CRACD: variants seen among roughly 807,000 people sequenced by gnomAD.
CRACD encodes the protein capping protein inhibiting regulator of actin dynamics.
CRACD carries 56 observed loss-of-function variants against 106.8 expected under a neutral mutation model. The observed-to-expected ratio is 0.52, with a 90% CI of 0.42 to 0.66. CRACD has a LOEUF of 0.66. Ranked by LOEUF, CRACD falls within the 30% of genes least tolerant of loss-of-function variation. CRACD has a pLI of 0.00. For missense variants in CRACD, 1,730 were observed against 1,623.2 expected (o/e 1.07, Z -1.13); for synonymous variants, 754 against 670.8 (o/e 1.12, Z -1.92).
intron 1 of CRACD, among the ~76,000 whole-genome samples, chr4:56,072,408 T>G (rs538947446): frequency 6.6e-6 from 1 of 152,314 alleles, no homozygotes; most frequent in African/African-American, 2.4e-5. Flanking sequence ...TGAACAAGAA[T>G]AGAGACAAAA....
At chr4:56,218,106 T>C (rs1011932343) in intron 2 of CRACD, among the ~76,000 whole-genome samples, 5 of 152,094 alleles carry the variant, frequency 3.3e-5, no homozygotes, top group African/African-American at 1.2e-4. Flanking sequence ...CCTTATTGGA[T>C]TAGGGCCACC....
chr4:56,214,652 A>ACTCTCTCTCTCTCTCTCTCTCTCTTTCT (rs1738573192), intron 2 of CRACD, among the ~76,000 whole-genome samples: 1 of 101,848 alleles, frequency 9.8e-6, no homozygotes, highest in South Asian at 4.0e-4. Flanking sequence ...AGAGCTAGAC[A>ACTCTCTCTCTCTCTCTCTCTCTCTTTCT]CTCTCTCTCT....
intron 1 of CRACD, among the ~76,000 whole-genome samples, chr4:56,144,413 A>G (rs561367131): frequency 5.8e-4 from 89 of 152,310 alleles, no homozygotes; most frequent in South Asian, 1.0e-3. Flanking sequence ...CTAGGAGACT[A>G]GTTTGTGGAA....
chr4:56,266,266 G>A (rs11736988), intron 2 of CRACD, among the ~76,000 whole-genome samples: 39,811 of 152,010 alleles, frequency 0.26, 5,374 homozygotes, highest in African/African-American at 0.27. Flanking sequence ...TATAAATTCA[G>A]TCTTACAGCT....
chr4:56,215,571 T>C (rs1223417104), intron 2 of CRACD, among the ~76,000 whole-genome samples: 4 of 152,258 alleles, frequency 2.6e-5, no homozygotes. Flanking sequence ...TCAACTGGAC[T>C]ATGAGCTCTT....
chr4:56,083,434 G>A lies in CRACD; in HGVS notation c.-336+34135G>A, dbSNP rs568617911. Among the ~76,000 whole-genome samples the A allele has an allele frequency of 2.6e-5, 4 of 152,256 alleles. No individual in the cohort carries two copies. The South Asian group carries it at 8.3e-4, about 32-fold the overall frequency. ...GTGAGAAATTAACCGTCAATTAACT[G>A]GTTAGACTGAACTTTGAGAATAAAC... is the stretch of plus-strand genomic sequence containing the variant. On this transcript the variant is annotated intron_variant, in intron 1 of 10. Coordinates refer to ENST00000682029, the MANE Select transcript of CRACD (RefSeq NM_001393381.1).
chr4:56,311,766 GAAAC>G (rs1220730341), intron 6 of CRACD: 2 of 152,200 alleles, frequency 1.3e-5, no homozygotes, highest in African/African-American at 2.4e-5. Flanking sequence ...GCCTACAGCA[GAAAC>G]AAACAAATAA....
intron 2 of CRACD, among the ~76,000 whole-genome samples, chr4:56,227,811 C>T (rs544957055): frequency 6.6e-6 from 1 of 152,322 alleles, no homozygotes; most frequent in Admixed American, 6.5e-5. Flanking sequence ...TTATATCTGG[C>T]AATACACACT....
chr4:56,308,093 G>A (rs534361805), intron 5 of CRACD, among the ~76,000 whole-genome samples: 1 of 152,216 alleles, frequency 6.6e-6, no homozygotes, highest in East Asian at 1.9e-4. Flanking sequence ...TCTAAACATG[G>A]GATTCCTTGA....
At chr4:56,076,799 C>A (rs1017345664) in intron 1 of CRACD, among the ~76,000 whole-genome samples, 1 of 152,192 alleles carries the variant, frequency 6.6e-6, no homozygotes, top group African/African-American at 2.4e-5. Context: ...AGACTGGAAG[C>A]TTTGTGAGGG....
chr4:56,233,985 TTGTCTC>T (rs928450792), intron 2 of CRACD, among the ~76,000 whole-genome samples: 1 of 152,192 alleles, frequency 6.6e-6, no homozygotes, highest in Admixed American at 6.5e-5. Context: ...TTTCAGTTGT[TTGTCTC>T]TGTTACATAG....
At position 56,116,175 on chromosome 4, in the gene CRACD, TCCAGGTTTGTG is replaced by T. The variant is rs138931816; in HGVS notation, c.-335-63108_-335-63098del. ...CATGTGGATATGTCTATTTATTTAA[TCCAGGTTTGTG>T]AGTGACATGACTCCTGCTCTGACTC... On this transcript the variant is annotated intron_variant, in intron 1 of 10. Transcript: ENST00000682029. 4.4e-3 allele frequency among the ~76,000 whole-genome samples: 675 copies of T among 152,314 alleles called. 3 individuals carry two copies. Among genetic ancestry groups the T allele is most frequent in the African/African-American group, 0.015 (631 of 41,576 alleles).
At chr4:56,291,197 A>G (rs957437646) in intron 3 of CRACD, among the ~76,000 whole-genome samples, 1 of 152,198 alleles carries the variant, frequency 6.6e-6, no homozygotes, top group African/African-American at 2.4e-5. Context: ...AAGTTGCAGC[A>G]TTGAAGCTGA....
intron 1 of CRACD, among the ~76,000 whole-genome samples, chr4:56,133,294 T>C (rs1237515888): frequency 6.6e-6 from 1 of 152,204 alleles, no homozygotes; most frequent in East Asian, 1.9e-4. Flanking sequence ...CAACGGGCAA[T>C]GTGTAGTGTG....
intron 1 of CRACD, among the ~76,000 whole-genome samples, chr4:56,085,885 T>C (rs371813701): frequency 1.3e-5 from 2 of 152,338 alleles, no homozygotes; most frequent in African/African-American, 4.8e-5. Context: ...TATTTATCTT[T>C]TTCCCTTAGA....
At chr4:56,189,797 A>C (rs1213761731) in intron 2 of CRACD, among the ~76,000 whole-genome samples, 2 of 143,890 alleles carry the variant, frequency 1.4e-5, no homozygotes, top group South Asian at 4.5e-4. Flanking sequence ...TTCTTTTTTT[A>C]AATTTTATTT....
At chr4:56,235,074 G>A (rs549458369) in intron 2 of CRACD, among the ~76,000 whole-genome samples, 5 of 152,218 alleles carry the variant, frequency 3.3e-5, no homozygotes, top group East Asian at 1.9e-4. Context: ...AGACTTTAAC[G>A]TGTCTACAAA....
At chr4:56,318,214 C>G (rs1745809941) in intron 8 of CRACD, among the ~76,000 whole-genome samples, 1 of 152,044 alleles carries the variant, frequency 6.6e-6, no homozygotes. Context: ...CCAGGCTGGT[C>G]TTGAACTCCT....
At chr4:56,156,341 G>GC (rs1467139521) in intron 1 of CRACD, among the ~76,000 whole-genome samples, 1 of 152,184 alleles carries the variant, frequency 6.6e-6, no homozygotes, top group Non-Finnish European at 1.5e-5. Context: ...GCTTTGCTGG[G>GC]CGCCTCCAGC....
Sources: gnomAD v4.1 joint callset for allele counts (sites outside exome capture counted in the v4.1 genomes callset) on GRCh38, gnomAD v4.1.1 for gene constraint, MANE v1.5 for transcripts, NCBI Gene and HGNC (gene_info 2026-07-23, HGNC 2026-07-21) for gene names.